KCNJ12: variants seen among roughly 807,000 people sequenced by gnomAD.
The protein encoded by KCNJ12 is ATP-sensitive inward rectifier potassium channel 12.
KCNJ12 carries 2 observed loss-of-function variants against 22.3 expected under a neutral mutation model. The ratio of observed to expected loss-of-function variants is 0.09; its 90% confidence interval spans 0.04 to 0.28. The LOEUF (loss-of-function observed/expected upper bound fraction) is 0.28, where lower values mean the gene tolerates loss of function less well. KCNJ12 is among the 10% of genes least tolerant of loss of function. The pLI, the probability that KCNJ12 is intolerant of heterozygous loss-of-function variation, is 1.00. For synonymous variants in KCNJ12, 117 were observed against 261.4 expected (o/e 0.45, Z 5.33); for missense variants, 155 against 633.3 (o/e 0.24, Z 8.11).
chr17:21,388,866 C>G (rs190171258), intron 1 of KCNJ12, among the ~76,000 whole-genome samples: 33 of 148,372 alleles, frequency 2.2e-4, no homozygotes, highest in Non-Finnish European at 2.1e-4. Flanking sequence ...CCCGCTGGGC[C>G]CCCCCCGAGG....
chr17:21,384,929 C>T (rs1484565194), intron 1 of KCNJ12, among the ~76,000 whole-genome samples: 9 of 152,108 alleles, frequency 5.9e-5, no homozygotes, highest in East Asian at 5.8e-4. Context: ...CCCACCACCG[C>T]GCCCGGCTAA....
chr17:21,387,420 G>A (rs1555558798), intron 1 of KCNJ12, among the ~76,000 whole-genome samples: 31 of 122,364 alleles, frequency 2.5e-4, no homozygotes, highest in Non-Finnish European at 6.3e-5. Flanking sequence ...CCAGCCTGGC[G>A]ACAGAGCGAG....
rs151038106 is a variant in KCNJ12, at chr17:21,397,824, G to C, written c.-178-10695G>C. On this transcript the variant is annotated intron_variant, in intron 1 of 2. Transcript: ENST00000583088. ...CCTCCAGCTCCCCTGGCAGCCCTCA[G>C]CTGGGGCTGACAGCGCACAGCAGGG... Among the ~76,000 whole-genome samples, 10 of 152,328 alleles carry C rather than the reference G, an allele frequency of 6.6e-5. 1 individual carries two copies. The East Asian group carries it at 1.9e-3, about 29-fold the overall frequency.
At chr17:21,406,045 C>T (rs1905909199) in intron 1 of KCNJ12, among the ~76,000 whole-genome samples, 1 of 152,262 alleles carries the variant, frequency 6.6e-6, no homozygotes, top group South Asian at 2.1e-4. Flanking sequence ...AGGTGACCAG[C>T]AGGACGTGGA....
At chr17:21,409,278 A>G (rs1906175151) in intron 2 of KCNJ12, among the ~76,000 whole-genome samples, 1 of 152,312 alleles carries the variant, frequency 6.6e-6, no homozygotes, top group Non-Finnish European at 1.5e-5. Flanking sequence ...AAGGCGGCTC[A>G]GTATTGTGGG....
At chr17:21,388,565 G>A (rs950173942) in intron 1 of KCNJ12, among the ~76,000 whole-genome samples, 25 of 152,320 alleles carry the variant, frequency 1.6e-4, no homozygotes, top group African/African-American at 5.5e-4. Flanking sequence ...CAAATGGCCC[G>A]GTGGTGAATC....
chr17:21,413,671 C>G (rs148569241), intron 2 of KCNJ12, among the ~76,000 whole-genome samples: 3 of 150,978 alleles, frequency 2.0e-5, no homozygotes, highest in African/African-American at 7.2e-5. Flanking sequence ...GATGCCCTAG[C>G]CTGTCACTGA....
chr17:21,397,675 G>A (rs1905415773), intron 1 of KCNJ12, among the ~76,000 whole-genome samples: 1 of 152,206 alleles, frequency 6.6e-6, no homozygotes, highest in Non-Finnish European at 1.5e-5. Flanking sequence ...GTGTGGCCCA[G>A]AGTCCACTGG....
intron 1 of KCNJ12, among the ~76,000 whole-genome samples, chr17:21,380,954 C>T (rs370036626): frequency 5.9e-5 from 9 of 152,352 alleles, no homozygotes; most frequent in Non-Finnish European, 1.2e-4. Flanking sequence ...TCCTGCCTGG[C>T]TGCTGAAGTG....
intron 1 of KCNJ12, among the ~76,000 whole-genome samples, chr17:21,384,317 G>A (rs941826846): frequency 1.3e-5 from 2 of 152,180 alleles, no homozygotes; most frequent in Admixed American, 1.3e-4. Flanking sequence ...CAGAGCCACC[G>A]AAGTCCGTGA....
intron 1 of KCNJ12, among the ~76,000 whole-genome samples, chr17:21,395,293 G>GA (rs1161884090): frequency 0.016 from 907 of 55,618 alleles, 7 homozygotes; most frequent in East Asian, 0.035. Flanking sequence ...AGATCCTAAA[G>GA]AAAAAAAAAA....
chr17:21,407,662 C>A (rs1306172226), intron 1 of KCNJ12, among the ~76,000 whole-genome samples: 1 of 151,358 alleles, frequency 6.6e-6, no homozygotes, highest in East Asian at 2.0e-4. Flanking sequence ...CACTCAGTCA[C>A]CCACCCATCT....
chr17:21,415,682 C>G lies in KCNJ12; in HGVS notation c.340C>G (p.Pro114Ala). Reference protein sequence around the residue: ...VIAVAHGDLEPAEGRGRTPCV... With the variant: ...VIAVAHGDLEAAEGRGRTPCV... ...CGCGGTGGCACACGGTGACCTGGAG[C>G]CGGCTGAGGGCCGGGGCCGCACACC... The change falls in exon 3 of 3, where the codon CCG (proline) becomes GCG (alanine). Residue 114 changes from proline (P) to alanine (A), a missense_variant. Physicochemically the swap from Pro to Ala is conservative, Grantham distance 27 (BLOSUM62 -1). Coordinates refer to ENST00000583088, the MANE Select transcript of KCNJ12 (RefSeq NM_021012.5). The G allele has an allele frequency of 6.2e-7, 1 of 1,613,180 alleles. No individual in the cohort carries two copies. The highest frequency in any genetic ancestry group is 8.5e-7 in the Non-Finnish European group (1 of 1,179,910).
intron 1 of KCNJ12, among the ~76,000 whole-genome samples, chr17:21,384,219 T>TGGAC (rs1904994992): frequency 6.6e-6 from 1 of 152,212 alleles, no homozygotes; most frequent in African/African-American, 2.4e-5. Context: ...CCGTGCCCAC[T>TGGAC]GGACCCAGGG....
chr17:21,397,598 A>G (rs28626596), intron 1 of KCNJ12, among the ~76,000 whole-genome samples: 4,808 of 152,300 alleles, frequency 0.032, 229 homozygotes, highest in African/African-American at 0.11. Context: ...AGCTGGGCTA[A>G]TGCACTGGCC....
intron 1 of KCNJ12, among the ~76,000 whole-genome samples, chr17:21,390,397 TGTGCCA>T (rs1321451113): frequency 6.6e-6 from 1 of 152,246 alleles, no homozygotes; most frequent in African/African-American, 2.4e-5. Context: ...ACGGAGCTTC[TGTGCCA>T]GTGGACCACT....
chr17:21,399,799 C>T (rs1373071384), intron 1 of KCNJ12, among the ~76,000 whole-genome samples: 2 of 152,210 alleles, frequency 1.3e-5, no homozygotes, highest in African/African-American at 4.8e-5. Context: ...CCCAGCTTTG[C>T]CATGGACTGG....
chr17:21,406,545 G>T (rs1482927293), intron 1 of KCNJ12, among the ~76,000 whole-genome samples: 1 of 152,300 alleles, frequency 6.6e-6, no homozygotes, highest in Non-Finnish European at 1.5e-5. Flanking sequence ...GCTGGGGATT[G>T]GGGGACTTGG....
chr17:21,379,671 C>G (rs2144757394), intron 1 of KCNJ12, among the ~76,000 whole-genome samples: 1 of 152,210 alleles, frequency 6.6e-6, no homozygotes, highest in East Asian at 1.9e-4. Context: ...GATGGCTGTG[C>G]CGGGAACTGG....
Sources: allele counts gnomAD v4.1 joint callset (sites outside exome capture counted in the v4.1 genomes callset), GRCh38; gene constraint gnomAD v4.1.1; transcripts MANE v1.5; gene names NCBI Gene and HGNC (gene_info 2026-07-23, HGNC 2026-07-21).